Variants in TECPR2 observed in about 807,000 individuals in gnomAD.
The protein encoded by TECPR2 is tectonin beta-propeller repeat containing 2, also known as tectonin beta-propeller repeat-containing protein 2.
Under a neutral mutation model 138.1 loss-of-function variants are expected in TECPR2, and 65 were observed. The observed-to-expected ratio is 0.47, with a 90% CI of 0.39 to 0.58. The LOEUF is 0.58. Among genes scored for constraint, TECPR2 ranks in the 20% least tolerant of loss-of-function variants. The pLI, the probability that TECPR2 is intolerant of heterozygous loss-of-function variation, is 0.00. For synonymous variants in TECPR2, 746 were observed against 749.8 expected (o/e 0.99, Z 0.08); for missense variants, 1,553 against 1,824.5 (o/e 0.85, Z 2.71).
At chr14:102,448,932 C>T (rs999023082) in intron 13 of TECPR2, among the ~76,000 whole-genome samples, 2 of 151,776 alleles carry the variant, frequency 1.3e-5, no homozygotes, top group African/African-American at 2.4e-5. Context: ...TTTCTAAGTA[C>T]CGTATACTGT....
chr14:102,404,638 G>C (rs1053143906), intron 2 of TECPR2, among the ~76,000 whole-genome samples: 1 of 151,132 alleles, frequency 6.6e-6, no homozygotes, highest in Non-Finnish European at 1.5e-5. Context: ...GTGCAATGGC[G>C]TGATCTCGGC....
In TECPR2 at chr14:102,452,489, G is replaced by A. The variant is rs770891850; in HGVS notation, c.3502G>A (p.Glu1168Lys). 1.1e-5 allele frequency: 17 copies of A among 1,613,250 alleles called. No individual in the cohort carries two copies. The highest frequency in any genetic ancestry group is 1.0e-4 in the Admixed American group (6 of 59,986). The change falls in exon 16 of 20, where the codon GAA becomes AAA. Residue 1168 changes from glutamate (E) to lysine (K), a missense_variant. Coordinates refer to ENST00000359520, the MANE Select transcript of TECPR2 (RefSeq NM_014844.5). ...GCCCTCCACGGTGCAGCTGCCTCCC[G>A]AAGCCGAGATGCGCGCCTATGCCGC... ...SRPSTVQLPP[E>K]AEMRAYAACQ...
Position 102,499,089 on chromosome 14 carries a change from C to T in TECPR2, c.*832C>T. 1 of 702,996 alleles carries T rather than the reference C, an allele frequency of 1.4e-6. No homozygotes were observed. Among genetic ancestry groups the T allele is most frequent in the Non-Finnish European group, 2.6e-6 (1 of 384,970 alleles). 43.5% of individuals were successfully genotyped at this position (702,996 alleles called of 1,614,324 possible). ...ACACACGGCGCAGGCTGCCCGCCTC[C>T]TGGAGAGCACACTTCAGCTGAAACA... On this transcript the variant is annotated 3_prime_UTR_variant, in exon 20 of 20. Transcript: ENST00000359520.
chr14:102,497,301 C>T (rs906756867), intron 18 of TECPR2, among the ~76,000 whole-genome samples, 181 bp downstream of exon 18: 1 of 152,198 alleles, frequency 6.6e-6, no homozygotes, highest in African/African-American at 2.4e-5. Context: ...CAGGGGAACC[C>T]AGGCCGTCCT....
intron 12 of TECPR2, among the ~76,000 whole-genome samples, chr14:102,444,075 T>C (rs955286040): frequency 6.6e-6 from 1 of 152,224 alleles, no homozygotes; most frequent in African/African-American, 2.4e-5. Flanking sequence ...GAGTCTGTCA[T>C]GACGGTCTCT....
chr14:102,466,611 G>C (rs755970733), intron 17 of TECPR2, among the ~76,000 whole-genome samples: 1 of 152,172 alleles, frequency 6.6e-6, no homozygotes, highest in Non-Finnish European at 1.5e-5. Flanking sequence ...ACACACCACT[G>C]TCAATACGTT....
Position 102,425,277 on chromosome 14 carries a change from G to C in TECPR2, c.937G>C (p.Asp313His), listed in dbSNP as rs761090703. 5.0e-6 allele frequency: 8 copies of C among 1,589,820 alleles called. No homozygotes were observed. Among genetic ancestry groups the C allele is most frequent in the Non-Finnish European group, 6.9e-6 (8 of 1,166,034 alleles). Residue 313 changes from aspartate (D) to histidine (H), a missense_variant, in exon 6 of 20, where the codon GAC becomes CAC. Physicochemically the swap from Asp to His is moderately conservative, Grantham distance 81. Coordinates refer to ENST00000359520, the MANE Select transcript of TECPR2 (RefSeq NM_014844.5). ...GAATGAATATAGTATCTATCTCCTA[G>C]ACACAGTCAACCAGGTAAGTGAAGG... ...SWNEYSIYLLDTVNQATVAGL... is the reference protein window; with the variant it reads ...SWNEYSIYLLHTVNQATVAGL...
intron 2 of TECPR2, among the ~76,000 whole-genome samples, chr14:102,398,097 AAGAAAGAAAAG>A (rs1888369348): frequency 7.1e-6 from 1 of 140,830 alleles, no homozygotes; most frequent in Admixed American, 7.1e-5. Flanking sequence ...AAAAAGAAAA[AAGAAAGAAAAG>A]AAAAAGGAAA....
At chr14:102,392,736 G>T (rs926881195) in intron 2 of TECPR2, among the ~76,000 whole-genome samples, 1 of 152,064 alleles carries the variant, frequency 6.6e-6, no homozygotes, top group African/African-American at 2.4e-5. Flanking sequence ...GAACCCTGGG[G>T]GACCTGGATC....
Position 102,497,007 on chromosome 14 carries a change from A to G in TECPR2, c.3818A>G (p.His1273Arg), listed in dbSNP as rs779246404. ...GCCGGGGTCAGCTTGGTCAGCGTCC[A>G]TTCCAGCCCCAACGACCAGATGCTG... ...QPAGVSLVSV[H>R]SSPNDQMLWV... is the part of the protein sequence containing the mutation. Residue 1273 changes from histidine (H) to arginine (R), a missense_variant, in exon 18 of 20, where the codon CAT becomes CGT. By Grantham distance (29) the His-to-Arg change is conservative. Transcript: ENST00000359520. The G allele has an allele frequency of 6.2e-7, 1 of 1,613,994 alleles. No individual in the cohort carries two copies.
chr14:102,498,551 A>G lies in TECPR2; in HGVS notation c.*294A>G, dbSNP rs1270023734. On this transcript the variant is annotated 3_prime_UTR_variant, in exon 20 of 20. Transcript: ENST00000359520. Reference sequence around the variant, plus strand: ...ACGTGCTGCCGTCCTGGTCTCATCCACAGATAGCTCCAGCTTTTGTTGGTG... The same window carrying G: ...ACGTGCTGCCGTCCTGGTCTCATCCGCAGATAGCTCCAGCTTTTGTTGGTG... The G allele has an allele frequency of 2.0e-6, 1 of 489,402 alleles. No individual in the cohort carries two copies. The allele number at this position is 489,402 out of a possible 1,614,324, so 30.3% of individuals were successfully genotyped here.
rs564336782 is a variant in TECPR2, at chr14:102,419,755, G to T, written c.638+4962G>T. Among the ~76,000 whole-genome samples, 451 of 152,290 alleles carry T rather than the reference G, an allele frequency of 3.0e-3. 4 individuals are homozygous for T. Among genetic ancestry groups the T allele is most frequent in the African/African-American group, 0.011 (438 of 41,554 alleles). On this transcript the variant is annotated intron_variant, in intron 5 of 19. Coordinates refer to ENST00000359520, the MANE Select transcript of TECPR2 (RefSeq NM_014844.5). This position sits in a 1 kb window ranked among gnomAD's most constrained non-coding sequence, Gnocchi z 4.8. ...AGCCATCTGCAACCGTGGGTTTGCT[G>T]TCCTGTGTATTTATGTTGCATTGTT...
At chr14:102,495,228 A>C (rs1354931996) in intron 17 of TECPR2, among the ~76,000 whole-genome samples, 2 of 152,072 alleles carry the variant, frequency 1.3e-5, no homozygotes, top group African/African-American at 4.8e-5. Context: ...AATTTTTTTA[A>C]AGAGAACTTT....
At chr14:102,459,945 C>T (rs1472418919) in intron 16 of TECPR2, among the ~76,000 whole-genome samples, 1 of 152,066 alleles carries the variant, frequency 6.6e-6, no homozygotes, top group Non-Finnish European at 1.5e-5. Flanking sequence ...AGGTCAGGAC[C>T]ATCATCAGTC....
chr14:102,424,843 G>A (rs1164034231), intron 5 of TECPR2, 136 bp from the exon 6 acceptor site: 3 of 878,494 alleles, frequency 3.4e-6, no homozygotes, highest in Non-Finnish European at 5.1e-6. Flanking sequence ...AAAACAAACA[G>A]TAGAAAGGGT....
In TECPR2 at chr14:102,384,287, A is replaced by G. The variant is rs188939290; in HGVS notation, c.219+7347A>G. 9.4e-4 allele frequency among the ~76,000 whole-genome samples: 143 copies of G among 152,084 alleles called. 2 individuals carry two copies. The highest frequency in any genetic ancestry group is 3.3e-3 in the African/African-American group (137 of 41,496). ...AGGTTTATTTGGCCCACAATTCTGT[A>G]GCTGGAAAGTCCAAGATTGGGCAGC... is the stretch of plus-strand genomic sequence containing the variant. On this transcript the variant is annotated intron_variant, in intron 2 of 19. Transcript: ENST00000359520.
Position 102,440,708 on chromosome 14 carries a change from T to G in TECPR2, c.2752+99T>G, listed in dbSNP as rs1401979793. The G allele has an allele frequency of 2.9e-6, 4 of 1,391,686 alleles. No homozygotes were observed. The African/African-American group carries it at 5.7e-5, about 20-fold the overall frequency. 86.2% of individuals were successfully genotyped at this position (1,391,686 alleles called of 1,614,324 possible). A position where few individuals can be genotyped will look rare whatever the true frequency, so the allele number is the denominator to read the frequency against. On this transcript the variant is annotated intron_variant, in intron 11 of 19. Transcript: ENST00000359520. ...ACATGCTTACCACAATCGCTATGAT[T>G]AAGAGGCTAAATCCATTCGAATTAA...
At chr14:102,458,474 G>A (rs1890327204) in intron 16 of TECPR2, among the ~76,000 whole-genome samples, 1 of 152,152 alleles carries the variant, frequency 6.6e-6, no homozygotes, top group African/African-American at 2.4e-5. Context: ...AGTCTTTGGT[G>A]TGGCACCCAG....
In TECPR2 at chr14:102,425,262, A is replaced by G. The variant is rs1889285594; in HGVS notation, c.922A>G (p.Ser308Gly). ...CTGGGTGCTGAGTTGGAATGAATAT[A>G]GTATCTATCTCCTAGACACAGTCAA... ...EGWVLSWNEY[S>G]IYLLDTVNQA... Residue 308 changes from serine to glycine, a missense_variant, in exon 6 of 20, where the codon AGT (serine) becomes GGT (glycine). By Grantham distance (56) the Ser-to-Gly change is moderately conservative. Transcript: ENST00000359520. 1 of 1,607,838 alleles carries G rather than the reference A, an allele frequency of 6.2e-7. No homozygotes were observed. The highest frequency in any genetic ancestry group is 8.5e-7 in the Non-Finnish European group (1 of 1,176,126).
Sources: gnomAD v4.1 joint callset for allele counts (sites outside exome capture counted in the v4.1 genomes callset) on GRCh38, gnomAD v4.1.1 for gene constraint, Gnocchi (gnomAD v3.1) non-coding constraint, MANE v1.5 for transcripts, NCBI Gene and HGNC (gene_info 2026-07-23, HGNC 2026-07-21) for gene names.